The following NARS2 variants were observed in gnomAD, a reference collection of about 807,000 sequenced individuals.
NARS2 encodes the protein asparaginyl-tRNA synthetase 2, mitochondrial, also known as asparaginyl-tRNA synthetase.
Under a neutral mutation model 62.9 loss-of-function variants are expected in NARS2, and 60 were observed. That is an observed-to-expected ratio of 0.95 (90% CI 0.77 to 1.18). The LOEUF (loss-of-function observed/expected upper bound fraction) is 1.18, where lower values mean the gene tolerates loss of function less well. Among genes scored for constraint, NARS2 ranks in the 50% most tolerant of loss-of-function variants. The pLI, the probability that NARS2 is intolerant of heterozygous loss-of-function variation, is 0.00. For missense variants in NARS2, 619 were observed against 576.4 expected (o/e 1.07, Z -0.76); for synonymous variants, 196 against 200.0 (o/e 0.98, Z 0.17).
rs1384301912 is a variant in NARS2 at position 78,478,447 on chromosome 11, T to C, written c.950A>G (p.Asn317Ser). 2 of 1,077,952 alleles carry C rather than the reference T, an allele frequency of 1.9e-6. No individual in the cohort carries two copies. The highest frequency in any genetic ancestry group is 2.7e-5 in the East Asian group (1 of 37,382). The allele number at this position is 1,077,952 out of a possible 1,614,324, so 66.8% of individuals were successfully genotyped here. A position where few individuals can be genotyped will look rare whatever the true frequency, so the allele number is the denominator to read the frequency against. The change falls in exon 9 of 14, where the codon AAC (asparagine) becomes AGC (serine). Residue 317 changes from asparagine (N) to serine (S), a missense_variant. Coordinates refer to ENST00000281038, the MANE Select transcript of NARS2 (RefSeq NM_024678.6). ...TATAACATCTACTTACATTAAAAAG[T>C]TGTTTTTTAGCATATGTTCTAATCT... ...KDRLEHMLKN[N>S]FLIISYTEAV... is the part of the protein sequence containing the mutation.
At chr11:78,490,744 AGAGT>A (rs751995395) in intron 7 of NARS2, among the ~76,000 whole-genome samples, 6 of 152,140 alleles carry the variant, frequency 3.9e-5, no homozygotes, top group Non-Finnish European at 8.8e-5. Context: ...CTGGCAGACA[AGAGT>A]GAGACCCTGT....
chr11:78,504,767 TA>T (rs1403254017), intron 6 of NARS2, among the ~76,000 whole-genome samples: 1 of 152,100 alleles, frequency 6.6e-6, no homozygotes, highest in Non-Finnish European at 1.5e-5. Context: ...AACAAGCAAA[TA>T]TAACACCGGT....
chr11:78,437,867 C>T (rs769003240), intron 13 of NARS2, among the ~76,000 whole-genome samples: 5 of 150,170 alleles, frequency 3.3e-5, no homozygotes, highest in Non-Finnish European at 7.4e-5. Context: ...CCCAGCTACT[C>T]AGGAGGCTGA....
chr11:78,566,144 A>G lies in NARS2; in HGVS notation c.501T>C (p.His167=). Residue 167 remains histidine (H), a synonymous_variant, in exon 4 of 14, where the codon CAT becomes CAC. Coordinates refer to ENST00000281038, the MANE Select transcript of NARS2 (RefSeq NM_024678.6). Reference sequence around the variant, plus strand: ...TTTAGGATCTTACCTTAAAGAAAGAATGAATAGCAGCTGTCGCTTCACTGC... The same window carrying G: ...TTTAGGATCTTACCTTAAAGAAAGAGTGAATAGCAGCTGTCGCTTCACTGC... ...RIRSEATAAI[H]SFFKDSGFVH... 1 of 1,607,442 alleles carries G rather than the reference A, an allele frequency of 6.2e-7. No homozygotes were observed. The highest frequency in any genetic ancestry group is 8.5e-7 in the Non-Finnish European group (1 of 1,177,128).
chr11:78,558,684 G>GT (rs1555042680), intron 5 of NARS2: 1 of 152,160 alleles, frequency 6.6e-6, no homozygotes, highest in Non-Finnish European at 1.5e-5. Flanking sequence ...AATATCTGCA[G>GT]TAAGGGCAGG....
At chr11:78,489,641 TC>T (rs1565232582) in intron 7 of NARS2, among the ~76,000 whole-genome samples, 3 of 152,154 alleles carry the variant, frequency 2.0e-5, no homozygotes, top group African/African-American at 7.2e-5. Context: ...ACCAATCCCT[TC>T]TGGATACCAA....
chr11:78,475,306 TACTGATGG>T (rs1194608578), intron 9 of NARS2, among the ~76,000 whole-genome samples: 2 of 152,234 alleles, frequency 1.3e-5, no homozygotes, highest in Non-Finnish European at 2.9e-5. Flanking sequence ...TCCAGTCACC[TACTGATGG>T]ACACTTAGGT....
Position 78,441,112 on chromosome 11 carries a change from C to G in NARS2, c.1268G>C (p.Gly423Ala), listed in dbSNP as rs1361086952. 6.2e-7 allele frequency: 1 copy of G among 1,611,914 alleles called. No homozygotes were observed. Among genetic ancestry groups the G allele is most frequent in the East Asian group, 2.2e-5 (1 of 44,844 alleles). ...TTACCATTGGTAGACTTCTGTAAGT[C>G]CCGATCTGTTTAAAGGAAAATAAAA... ...HFLEERLARS[G>A]LTEVYQWYLD... The change falls in exon 13 of 14, where the codon GGA becomes GCA. Residue 423 changes from glycine (G) to alanine (A), a missense_variant. Transcript: ENST00000281038.
intron 7 of NARS2, 106 bp downstream of exon 7, chr11:78,492,957 T>C (rs1451481296): frequency 1.7e-5 from 17 of 994,610 alleles, no homozygotes; most frequent in Non-Finnish European, 2.5e-5. Flanking sequence ...TTACCCCTTC[T>C]TTTCACTTTA....
chr11:78,452,720 T>A (rs770766309), intron 11 of NARS2, among the ~76,000 whole-genome samples: 1 of 152,134 alleles, frequency 6.6e-6, no homozygotes, highest in Non-Finnish European at 1.5e-5. Flanking sequence ...TATGATTATT[T>A]CTAAGATGAT....
intron 11 of NARS2, among the ~76,000 whole-genome samples, chr11:78,459,105 G>T (rs1858286387): frequency 6.6e-6 from 1 of 151,942 alleles, no homozygotes; most frequent in Non-Finnish European, 1.5e-5. Context: ...AGTAAAGACG[G>T]GGTTTCACCT....
At chr11:78,571,265 A>G (rs980492008) in intron 2 of NARS2, 70 bp downstream of exon 2, 14 of 908,246 alleles carry the variant, frequency 1.5e-5, no homozygotes, top group Middle Eastern at 4.3e-4. Context: ...TAAACACTGG[A>G]GTAGGGAAGT....
chr11:78,515,916 A>G (rs1053936419), intron 6 of NARS2, among the ~76,000 whole-genome samples: 4 of 152,202 alleles, frequency 2.6e-5, no homozygotes, highest in African/African-American at 4.8e-5. Flanking sequence ...TCTTCTGTAT[A>G]TATCTCTTAC....
chr11:78,499,089 T>C (rs1249679599), intron 6 of NARS2, among the ~76,000 whole-genome samples: 3 of 151,620 alleles, frequency 2.0e-5, no homozygotes, highest in East Asian at 1.9e-4. Context: ...GCTAATTTTT[T>C]GTATTTTCAG....
chr11:78,529,727 T>G (rs567933092), intron 5 of NARS2, among the ~76,000 whole-genome samples: 3 of 152,242 alleles, frequency 2.0e-5, no homozygotes, highest in African/African-American at 7.2e-5. Flanking sequence ...GGTCTCATTA[T>G]GTTGCCCAGG....
chr11:78,521,078 TA>T (rs1463173313), intron 6 of NARS2, among the ~76,000 whole-genome samples: 11 of 144,572 alleles, frequency 7.6e-5, no homozygotes, highest in Admixed American at 6.8e-4. Context: ...AAAAAAAAAG[TA>T]GAAGAATGAT....
intron 5 of NARS2, among the ~76,000 whole-genome samples, chr11:78,551,502 A>G (rs1198903792): frequency 3.3e-5 from 5 of 152,226 alleles, no homozygotes; most frequent in Non-Finnish European, 7.3e-5. Flanking sequence ...GCACATGACT[A>G]CACTTTCATA....
intron 5 of NARS2, among the ~76,000 whole-genome samples, chr11:78,548,984 C>T (rs183576982): frequency 1.3e-5 from 2 of 152,174 alleles, no homozygotes; most frequent in Non-Finnish European, 2.9e-5. Flanking sequence ...AACTCTACCC[C>T]CCAATTAGAG....
intron 2 of NARS2, 145 bp downstream of exon 2, chr11:78,571,190 T>C: frequency 1.7e-6 from 1 of 593,110 alleles, no homozygotes; most frequent in East Asian, 2.8e-5. Flanking sequence ...ATTCCAAATA[T>C]TCGGAGTTGA....
Sources: allele counts gnomAD v4.1 joint callset (sites outside exome capture counted in the v4.1 genomes callset), GRCh38; gene constraint gnomAD v4.1.1; transcripts MANE v1.5; gene names NCBI Gene and HGNC (gene_info 2026-07-23, HGNC 2026-07-21).